The following URM1 variants were observed in gnomAD, a reference collection of about 807,000 sequenced individuals.
The protein encoded by URM1 is ubiquitin related modifier 1.
A neutral mutation model predicts 17.7 loss-of-function variants in URM1; 11 were observed. That is an observed-to-expected ratio of 0.62 (90% CI 0.39 to 1.03). URM1 has a LOEUF of 1.03. Ranked by LOEUF, URM1 falls within the 50% of genes least tolerant of loss-of-function variation. URM1 has a pLI of 0.00. For synonymous variants in URM1, 48 were observed against 50.6 expected (o/e 0.95, Z 0.22); for missense variants, 128 against 129.2 (o/e 0.99, Z 0.04).
chr9:128,387,425 C>T lies in URM1; in HGVS notation c.107-391C>T, dbSNP rs563166735. On this transcript the variant is annotated intron_variant, in intron 2 of 4. Transcript: ENST00000372853. The surrounding 1 kb of genome is among the most constrained non-coding windows in gnomAD (Gnocchi z 4.3). ...TGGAGAGATAAAGGTGGAGGGGGCT[C>T]TTCAAGGTCCTCTCAGAAGTCCAGC... is the stretch of plus-strand genomic sequence containing the variant. Among the ~76,000 whole-genome samples the T allele has an allele frequency of 1.3e-5, 2 of 152,324 alleles. No individual in the cohort carries two copies. Among genetic ancestry groups the T allele is most frequent in the East Asian group, 3.9e-4 (2 of 5,180 alleles).
chr9:128,389,106 G>A (rs2131302069), intron 3 of URM1, 155 bp from the exon 4 acceptor site: 2 of 1,444,720 alleles, frequency 1.4e-6, no homozygotes, highest in Middle Eastern at 2.6e-4. Flanking sequence ...TTCACACTCA[G>A]ACCAGCCTCC....
rs531079120 is a variant in URM1 at position 128,373,725 on chromosome 9, T to A, written c.35+2310T>A. On this transcript the variant is annotated intron_variant, in intron 1 of 4. Coordinates refer to ENST00000372853, the MANE Select transcript of URM1 (RefSeq NM_030914.4). ...TCTCCGTCCCACCCCTCTTCCTCCTTCCCAAGTTGGGGAGGTATTGGCAAA... is the reference window on the plus strand; with the variant it reads ...TCTCCGTCCCACCCCTCTTCCTCCTACCCAAGTTGGGGAGGTATTGGCAAA... 1.6e-3 allele frequency among the ~76,000 whole-genome samples: 237 copies of A among 152,208 alleles called. 1 individual carries two copies. Among genetic ancestry groups the A allele is most frequent in the Non-Finnish European group, 3.0e-3 (207 of 68,010 alleles).
At chr9:128,381,179 G>T (rs916797858) in intron 2 of URM1, among the ~76,000 whole-genome samples, 2 of 152,162 alleles carry the variant, frequency 1.3e-5, no homozygotes, top group African/African-American at 4.8e-5. Context: ...TGCCCTCTTT[G>T]TGCCATCACT....
chr9:128,373,779 G>A (rs1403846973), intron 1 of URM1, among the ~76,000 whole-genome samples: 1 of 152,220 alleles, frequency 6.6e-6, no homozygotes. Flanking sequence ...GGTCAGAGAA[G>A]AACTGGGAGA....
chr9:128,378,083 CTT>C lies in URM1; in HGVS notation c.85_86del (p.Leu29AlafsTer43), dbSNP rs1833101609. 6.2e-7 allele frequency: 1 copy of C among 1,610,728 alleles called. No individual in the cohort carries two copies. The highest frequency in any genetic ancestry group is 1.3e-5 in the African/African-American group (1 of 74,664). The stretch of plus-strand genomic sequence containing the variant: ...GACGGTATTAAGAAACATCGAGTCA[CTT>C]TGCCTGGACAGGAGGAACCCTGTGA... On this transcript the variant is annotated frameshift_variant, in exon 2 of 5. Transcript: ENST00000372853. LOFTEE classifies it high-confidence loss of function.
At chr9:128,378,566 A>C (rs564221418) in intron 2 of URM1, among the ~76,000 whole-genome samples, 5 of 149,060 alleles carry the variant, frequency 3.4e-5, no homozygotes, top group Non-Finnish European at 5.9e-5. Flanking sequence ...AAAAAAAAAA[A>C]AAAAAACTTG....
intron 2 of URM1, among the ~76,000 whole-genome samples, chr9:128,384,472 A>G (rs893522913): frequency 1.3e-5 from 2 of 151,754 alleles, no homozygotes; most frequent in African/African-American, 4.8e-5. Flanking sequence ...ACCCCTCACT[A>G]CTCTCGCAGT....
chr9:128,378,697 G>C lies in URM1; in HGVS notation c.106+591G>C, dbSNP rs1699603472. Among the ~76,000 whole-genome samples, 4 of 152,112 alleles carry C rather than the reference G, an allele frequency of 2.6e-5. No homozygotes were observed. In the South Asian group the frequency reaches 8.3e-4, roughly 32 times the overall value. On this transcript the variant is annotated intron_variant, in intron 2 of 4. Coordinates refer to ENST00000372853, the MANE Select transcript of URM1 (RefSeq NM_030914.4). The stretch of plus-strand genomic sequence containing the variant: ...AGGCCAGGTGTGGAGGCTCACACCT[G>C]TGATCCCAGCACTTTGGGGGGCCGA...
At chr9:128,381,505 A>T (rs1258569936) in intron 2 of URM1, among the ~76,000 whole-genome samples, 2 of 152,066 alleles carry the variant, frequency 1.3e-5, no homozygotes, top group African/African-American at 2.4e-5. Context: ...GAGACCAGCC[A>T]GGCCAACATG....
intron 4 of URM1, 146 bp from the exon 5 acceptor site, chr9:128,389,520 G>A (rs750569263): frequency 1.3e-6 from 2 of 1,547,292 alleles, no homozygotes; most frequent in Admixed American, 3.9e-5. Flanking sequence ...CTGAAGATTT[G>A]CAGGTTGAGG....
chr9:128,380,639 C>CTTTT (rs112510172), intron 2 of URM1, among the ~76,000 whole-genome samples: 1 of 137,654 alleles, frequency 7.3e-6, no homozygotes, highest in Non-Finnish European at 1.6e-5. Flanking sequence ...TTTTTCTTTT[C>CTTTT]TTTTTTTTTT....
chr9:128,379,289 G>A (rs907088318), intron 2 of URM1, among the ~76,000 whole-genome samples: 1 of 151,996 alleles, frequency 6.6e-6, no homozygotes. Flanking sequence ...TGACCATCCT[G>A]ATCAACATGA....
chr9:128,388,105 G>A (rs1172103845), intron 3 of URM1: 6 of 1,331,698 alleles, frequency 4.5e-6, no homozygotes, highest in East Asian at 2.8e-5. Flanking sequence ...AAGGAGCCTG[G>A]TGAATTTCTC....
intron 1 of URM1, among the ~76,000 whole-genome samples, chr9:128,374,659 C>G (rs1833054013): frequency 1.3e-5 from 2 of 152,218 alleles, no homozygotes. Context: ...CTTGCCTTGC[C>G]TTTGCCTCCC....
rs1372127877 is a variant in URM1 at position 128,389,647 on chromosome 9, C to A, written c.238-19C>A. On this transcript the variant is annotated intron_variant, in intron 4 of 4. Coordinates refer to ENST00000372853, the MANE Select transcript of URM1 (RefSeq NM_030914.4). ...AAGGTGGCCCTGAGGGTCTCCCGCT[C>A]CCCTCTCTCCCGCACCAGGGTGAGC... The A allele has an allele frequency of 1.2e-6, 2 of 1,613,208 alleles. No homozygotes were observed. The highest frequency in any genetic ancestry group is 2.7e-5 in the African/African-American group (2 of 74,926).
chr9:128,387,910 C>T lies in URM1; in HGVS notation c.188+13C>T, dbSNP rs372420922. The T allele has an allele frequency of 6.8e-6, 11 of 1,613,750 alleles. No homozygotes were observed. In the African/African-American group the frequency reaches 1.3e-4, roughly 20 times the overall value. On this transcript the variant is annotated intron_variant, in intron 3 of 4. Coordinates refer to ENST00000372853, the MANE Select transcript of URM1 (RefSeq NM_030914.4). The surrounding 1 kb of genome is among the most constrained non-coding windows in gnomAD (Gnocchi z 4.3). The stretch of plus-strand genomic sequence containing the variant: ...AGGGAGACAGCGTGTGAGTCCCACT[C>T]CTCCCTTCCCTGAAGCAGGTGGAGG...
At chr9:128,389,226 T>A (rs1164110795) in intron 3 of URM1, 35 bp from the exon 4 acceptor site, 2 of 1,569,064 alleles carry the variant, frequency 1.3e-6, no homozygotes. Context: ...CTCCTGCCTC[T>A]CACTCCTTGC....
intron 2 of URM1, among the ~76,000 whole-genome samples, chr9:128,380,740 A>G (rs984308031): frequency 6.6e-6 from 1 of 151,658 alleles, no homozygotes. Flanking sequence ...GGTTCAAGCA[A>G]TTCTCCCACC....
At chr9:128,374,321 T>G (rs1833050079) in intron 1 of URM1, among the ~76,000 whole-genome samples, 1 of 152,202 alleles carries the variant, frequency 6.6e-6, no homozygotes, top group Admixed American at 6.5e-5. Flanking sequence ...AGCCTCGGCC[T>G]CTGAGCCTGG....
Sources: allele counts gnomAD v4.1 joint callset (sites outside exome capture counted in the v4.1 genomes callset), GRCh38; gene constraint gnomAD v4.1.1; non-coding constraint Gnocchi (gnomAD v3.1); transcripts MANE v1.5; gene names NCBI Gene and HGNC (gene_info 2026-07-23, HGNC 2026-07-21).